Variants in NTM observed in about 807,000 individuals in gnomAD.
NTM encodes the protein IgLON family member 2.
Under a neutral mutation model 42.1 loss-of-function variants are expected in NTM, and 13 were observed. That is an observed-to-expected ratio of 0.31 (90% CI 0.20 to 0.49). The LOEUF (loss-of-function observed/expected upper bound fraction) is 0.49, where lower values mean the gene tolerates loss of function less well. Ranked by LOEUF, NTM falls within the 20% of genes least tolerant of loss-of-function variation. NTM has a pLI of 0.99. For synonymous variants in NTM, 187 were observed against 179.2 expected (o/e 1.04, Z -0.35); for missense variants, 373 against 452.8 (o/e 0.82, Z 1.60).
chr11:131,638,563 CAA>C (rs58374119), intron 1 of NTM, among the ~76,000 whole-genome samples: 12,706 of 51,638 alleles, frequency 0.25, 264 homozygotes, highest in Non-Finnish European at 0.28. Context: ...GAGACTCCTT[CAA>C]AAAAAAAAAA....
intron 2 of NTM, among the ~76,000 whole-genome samples, chr11:132,099,769 T>G (rs11222919): frequency 0.12 from 18,007 of 152,232 alleles, 1,328 homozygotes; most frequent in South Asian, 0.19. Flanking sequence ...ATACAAAATG[T>G]ACCCTTTGAG....
intron 1 of NTM, among the ~76,000 whole-genome samples, chr11:131,820,288 G>T (rs2093130668): frequency 6.6e-6 from 1 of 151,978 alleles, no homozygotes; most frequent in South Asian, 2.1e-4. Flanking sequence ...AAACCCTCTG[G>T]TTCTCTAAAG....
intron 1 of NTM, chr11:131,671,483 G>C: frequency 1.0e-6 from 1 of 985,454 alleles, no homozygotes; most frequent in Non-Finnish European, 1.2e-6. Flanking sequence ...GGTTGAATCA[G>C]TGTTAGCCCT....
At chr11:131,804,331 G>A (rs1157667217) in intron 1 of NTM, among the ~76,000 whole-genome samples, 1 of 152,148 alleles carries the variant, frequency 6.6e-6, no homozygotes, top group African/African-American at 2.4e-5. Context: ...TATTGAGGCA[G>A]GGGTGAGGGG....
At chr11:131,864,229 C>T (rs535100527) in intron 1 of NTM, among the ~76,000 whole-genome samples, 11 of 152,204 alleles carry the variant, frequency 7.2e-5, no homozygotes, top group East Asian at 3.9e-4. Context: ...AGCAATCCAA[C>T]GAAAGACGAA....
intron 1 of NTM, among the ~76,000 whole-genome samples, chr11:131,853,184 G>A (rs2045762190): frequency 1.3e-5 from 2 of 151,600 alleles, no homozygotes. Context: ...TTCCTTTAAT[G>A]AGAATATGTT....
At chr11:131,991,503 C>G (rs953109558) in intron 2 of NTM, among the ~76,000 whole-genome samples, 1 of 152,088 alleles carries the variant, frequency 6.6e-6, no homozygotes. Flanking sequence ...TAATAGAGAG[C>G]CAAGGACATA....
At chr11:131,395,826 A>G (rs933971780) in intron 1 of NTM, among the ~76,000 whole-genome samples, 1 of 152,160 alleles carries the variant, frequency 6.6e-6, no homozygotes, top group African/African-American at 2.4e-5. Flanking sequence ...CCCTGCTACC[A>G]GATGTCAACC....
intron 1 of NTM, among the ~76,000 whole-genome samples, chr11:131,480,430 C>T (rs1953446599): frequency 6.6e-6 from 1 of 152,060 alleles, no homozygotes; most frequent in Admixed American, 6.5e-5. Context: ...ATCATACAGA[C>T]CCCCCACCTC....
At chr11:131,929,110 G>T (rs149373750) in intron 2 of NTM, among the ~76,000 whole-genome samples, 1 of 152,244 alleles carries the variant, frequency 6.6e-6, no homozygotes, top group Non-Finnish European at 1.5e-5. Flanking sequence ...TGCAATGTCC[G>T]GTAGTGCTGA....
intron 2 of NTM, among the ~76,000 whole-genome samples, chr11:132,092,473 G>T (rs7107045): frequency 6.6e-6 from 1 of 152,082 alleles, no homozygotes; most frequent in Non-Finnish European, 1.5e-5. Flanking sequence ...CCTTGCTTCT[G>T]CAAACCTTAG....
chr11:132,110,528 G>A (rs1030880214), intron 2 of NTM, among the ~76,000 whole-genome samples: 3 of 152,182 alleles, frequency 2.0e-5, no homozygotes, highest in African/African-American at 7.2e-5. Flanking sequence ...TTTGGCTGAA[G>A]GGCTTCACTG....
intron 5 of NTM, among the ~76,000 whole-genome samples, chr11:132,309,602 G>T (rs1220250735): frequency 6.6e-6 from 1 of 152,166 alleles, no homozygotes; most frequent in African/African-American, 2.4e-5. Flanking sequence ...GTACAGAGGA[G>T]AACAAAAGCA....
intron 1 of NTM, among the ~76,000 whole-genome samples, chr11:131,433,382 A>G (rs1392773255): frequency 1.3e-5 from 2 of 151,560 alleles, no homozygotes; most frequent in East Asian, 1.9e-4. Flanking sequence ...CAGTTTTCCC[A>G]TTTTCCTGCT....
intron 2 of NTM, among the ~76,000 whole-genome samples, chr11:132,061,551 T>C (rs1270986340): frequency 6.6e-6 from 1 of 152,172 alleles, no homozygotes; most frequent in African/African-American, 2.4e-5. Flanking sequence ...CAGAAATAAA[T>C]TGAATTGTAT....
chr11:131,895,683 CAT>C (rs967493947), intron 1 of NTM, among the ~76,000 whole-genome samples: 17 of 151,664 alleles, frequency 1.1e-4, no homozygotes, highest in South Asian at 8.3e-4. Flanking sequence ...GTGAAATATA[CAT>C]ATATATGTGT....
chr11:131,956,684 C>T (rs2061594605), intron 2 of NTM, among the ~76,000 whole-genome samples: 1 of 150,868 alleles, frequency 6.6e-6, no homozygotes, highest in Admixed American at 6.6e-5. Flanking sequence ...CCGGTGTTTG[C>T]CCACAATTCC....
intron 3 of NTM, among the ~76,000 whole-genome samples, chr11:132,164,593 G>A (rs909495428): frequency 2.6e-5 from 4 of 151,940 alleles, no homozygotes; most frequent in Admixed American, 2.6e-4. Flanking sequence ...ATGGCTGATG[G>A]AATGTCTGGC....
Position 131,486,934 on chromosome 11 carries a change from G to A in NTM, c.82+116046G>A, listed in dbSNP as rs151077085. On this transcript the variant is annotated intron_variant, in intron 1 of 8. Coordinates refer to ENST00000683400, the MANE Select transcript of NTM (RefSeq NM_001352005.2). ...ATAATGCCCAGAAAGAGCCAGAGTG[G>A]CCCTCTGATTACAAAGAGAATATCT... 2.6e-3 allele frequency among the ~76,000 whole-genome samples: 403 copies of A among 152,258 alleles called. 2 individuals are homozygous for A. Among genetic ancestry groups the A allele is most frequent in the African/African-American group, 9.0e-3 (376 of 41,564 alleles).
Sources: gnomAD v4.1 joint callset for allele counts (sites outside exome capture counted in the v4.1 genomes callset) on GRCh38, gnomAD v4.1.1 for gene constraint, MANE v1.5 for transcripts, NCBI Gene and HGNC (gene_info 2026-07-23, HGNC 2026-07-21) for gene names.